The following MSR1 variants were observed in gnomAD, a reference collection of about 807,000 sequenced individuals.
MSR1 encodes the protein macrophage scavenger receptor types I and II.
A neutral mutation model predicts 47.2 loss-of-function variants in MSR1; 53 were observed. The observed-to-expected ratio is 1.12, with a 90% CI of 0.90 to 1.41. The LOEUF (loss-of-function observed/expected upper bound fraction) is 1.41. Ranked by LOEUF, MSR1 falls within the 40% of genes most tolerant of loss-of-function variation. The probability of loss-of-function intolerance (pLI) is 0.00; values close to 1 mark genes in which losing one functional copy is unlikely to be tolerated. For missense variants in MSR1, 786 were observed against 546.9 expected (o/e 1.44, Z -4.36); for synonymous variants, 239 against 185.6 (o/e 1.29, Z -2.34).
intron 1 of MSR1, among the ~76,000 whole-genome samples, chr8:16,184,021 A>T (rs1801921320): frequency 6.6e-6 from 1 of 150,758 alleles, no homozygotes; most frequent in South Asian, 2.1e-4. Context: ...AAATGAGCAG[A>T]ATCTGGGGTA....
At position 16,109,224 on chromosome 8, in the gene MSR1, C is replaced by T. The variant is rs1330811331; in HGVS notation, c.*861G>A. The T allele has an allele frequency of 7.7e-6, 1 of 129,602 alleles. No individual in the cohort carries two copies. Among genetic ancestry groups the T allele is most frequent in the East Asian group, 2.6e-4 (1 of 3,888 alleles). The allele number at this position is 129,602 out of a possible 1,614,324, so 8.0% of individuals were successfully genotyped here. ...AAATGTTGACTGACTTCATAAAAGA[C>T]TCCAAACAGTTGAAACCACTCTTCC... On this transcript the variant is annotated 3_prime_UTR_variant, in exon 10 of 10. Coordinates refer to ENST00000262101, the MANE Select transcript of MSR1 (RefSeq NM_138715.3).
chr8:16,156,435 C>G (rs1030569561), intron 5 of MSR1, among the ~76,000 whole-genome samples: 6 of 151,908 alleles, frequency 3.9e-5, no homozygotes, highest in Non-Finnish European at 8.8e-5. Flanking sequence ...ATCCTTGACT[C>G]TACTTCTGTC....
At chr8:16,190,665 C>T (rs1257628791) in intron 1 of MSR1, among the ~76,000 whole-genome samples, 4 of 151,740 alleles carry the variant, frequency 2.6e-5, no homozygotes, top group African/African-American at 4.8e-5. Flanking sequence ...GACATGCATT[C>T]GTTTTCCTAA....
intron 1 of MSR1, among the ~76,000 whole-genome samples, chr8:16,178,226 T>C (rs1380806903): frequency 6.6e-6 from 1 of 151,792 alleles, no homozygotes; most frequent in East Asian, 1.9e-4. Context: ...TAACACTAGG[T>C]ATATCTCCTA....
rs544848381 is a variant in MSR1 at position 16,154,943 on chromosome 8, C to A, written c.898+121G>T. On this transcript the variant is annotated intron_variant, in intron 6 of 9. Coordinates refer to ENST00000262101, the MANE Select transcript of MSR1 (RefSeq NM_138715.3). ...ACACACATGTGCGTGCATACACACA[C>A]ACACACACATACACATCCTCTGCAG... 9 of 828,892 alleles carry A rather than the reference C, an allele frequency of 1.1e-5. No individual in the cohort carries two copies. In the African/African-American group the frequency reaches 1.3e-4, roughly 12 times the overall value. The allele number at this position is 828,892 out of a possible 1,614,324, so 51.3% of individuals were successfully genotyped here. A position where few individuals can be genotyped will look rare whatever the true frequency, so the allele number is the denominator to read the frequency against.
At chr8:16,171,821 T>C (rs1015166582) in intron 3 of MSR1, among the ~76,000 whole-genome samples, 13 of 152,324 alleles carry the variant, frequency 8.5e-5, no homozygotes, top group African/African-American at 3.1e-4. Flanking sequence ...ATTCTGGCTC[T>C]GCCCTTTATA....
At chr8:16,120,393 C>A (rs747152381) in intron 9 of MSR1, 25 bp downstream of exon 9, 15 of 1,612,050 alleles carry the variant, frequency 9.3e-6, no homozygotes, top group Admixed American at 1.7e-5. Flanking sequence ...CAACAACAAA[C>A]CTCACAAGAT....
At chr8:16,149,214 A>G (rs1429343943) in intron 7 of MSR1, among the ~76,000 whole-genome samples, 1 of 152,132 alleles carries the variant, frequency 6.6e-6, no homozygotes, top group Non-Finnish European at 1.5e-5. Flanking sequence ...TGGTTTATTA[A>G]TGGTTACATA....
chr8:16,123,970 C>G (rs1386665589), intron 8 of MSR1, among the ~76,000 whole-genome samples: 2 of 152,134 alleles, frequency 1.3e-5, no homozygotes, highest in Admixed American at 1.3e-4. Context: ...CTTGATAGAA[C>G]ATGTCTGTTA....
At chr8:16,191,708 C>T (rs994864968) in intron 1 of MSR1, among the ~76,000 whole-genome samples, 8 of 152,178 alleles carry the variant, frequency 5.3e-5, no homozygotes, top group Middle Eastern at 3.4e-3. Context: ...TTAGCTCTTA[C>T]CCACTGCATA....
At chr8:16,139,560 A>T (rs1314069181) in intron 8 of MSR1, 1 of 982,854 alleles carries the variant, frequency 1.0e-6, no homozygotes, top group Non-Finnish European at 1.2e-6. Flanking sequence ...TAGTCTGTTG[A>T]TCAGTAGAGA....
rs182082347 is a variant in MSR1, at chr8:16,191,000, C to G, written c.-5+1598G>C. Among the ~76,000 whole-genome samples the G allele has an allele frequency of 2.6e-3, 399 of 152,236 alleles. 1 individual carries two copies. Among genetic ancestry groups the G allele is most frequent in the African/African-American group, 9.3e-3 (387 of 41,546 alleles). ...CCTCCCAAAGTGCTGGGATTACAGG[C>G]GTGAGCCACCGTGCCCGGCCCATCA... On this transcript the variant is annotated intron_variant, in intron 1 of 9. Transcript: ENST00000262101.
At chr8:16,121,344 A>G (rs922232322) in intron 8 of MSR1, among the ~76,000 whole-genome samples, 5 of 152,170 alleles carry the variant, frequency 3.3e-5, no homozygotes, top group Non-Finnish European at 7.4e-5. Flanking sequence ...ATGTCTAATC[A>G]AAATGACCAT....
At chr8:16,154,654 A>T (rs1388713580) in intron 6 of MSR1, among the ~76,000 whole-genome samples, 1 of 152,014 alleles carries the variant, frequency 6.6e-6, no homozygotes, top group Non-Finnish European at 1.5e-5. Context: ...AAAATGAGAT[A>T]GCTTGCAAAT....
At chr8:16,176,742 C>T (rs904638164) in intron 2 of MSR1, among the ~76,000 whole-genome samples, 14 of 152,102 alleles carry the variant, frequency 9.2e-5, no homozygotes, top group Admixed American at 2.0e-4. Context: ...CCCGATGTCT[C>T]TCTCCTCCTT....
intron 9 of MSR1, among the ~76,000 whole-genome samples, chr8:16,111,195 C>T (rs1799748919): frequency 6.6e-6 from 1 of 151,996 alleles, no homozygotes; most frequent in Non-Finnish European, 1.5e-5. Context: ...CCTCAAAGGG[C>T]TACTTAAAAA....
At chr8:16,147,406 G>C (rs1322311635) in intron 7 of MSR1, among the ~76,000 whole-genome samples, 3 of 152,068 alleles carry the variant, frequency 2.0e-5, no homozygotes, top group African/African-American at 4.8e-5. Flanking sequence ...GTGTGGGAGG[G>C]AGAATAGAAG....
At chr8:16,181,488 T>C (rs1801830658) in intron 1 of MSR1, among the ~76,000 whole-genome samples, 1 of 152,190 alleles carries the variant, frequency 6.6e-6, no homozygotes. Flanking sequence ...AGTGAGTTCA[T>C]GTCCTTTGCA....
chr8:16,188,760 T>C (rs1211848502), intron 1 of MSR1, among the ~76,000 whole-genome samples: 4 of 151,870 alleles, frequency 2.6e-5, no homozygotes, highest in African/African-American at 7.3e-5. Flanking sequence ...GAACATGCAG[T>C]GTTTCTTTTT....
Sources: gnomAD v4.1 joint callset for allele counts (sites outside exome capture counted in the v4.1 genomes callset) on GRCh38, gnomAD v4.1.1 for gene constraint, MANE v1.5 for transcripts, NCBI Gene and HGNC (gene_info 2026-07-23, HGNC 2026-07-21) for gene names.